The following FADS3 variants were observed in gnomAD, a reference collection of about 807,000 sequenced individuals.
The protein encoded by FADS3 is fatty acid desaturase 3, also known as cytochrome b5-related protein.
A neutral mutation model predicts 60.4 loss-of-function variants in FADS3; 30 were observed. The ratio of observed to expected loss-of-function variants is 0.50; its 90% CI spans 0.37 to 0.67. FADS3 has a LOEUF of 0.67. FADS3 is among the 30% of genes least tolerant of loss of function. The probability of loss-of-function intolerance (pLI) is 0.00; values close to 1 mark genes in which losing one functional copy is unlikely to be tolerated. For missense variants in FADS3, 432 were observed against 598.3 expected (o/e 0.72, Z 2.90); for synonymous variants, 234 against 249.3 (o/e 0.94, Z 0.58).
chr11:61,882,987 C>A (rs1210917828), intron 1 of FADS3, among the ~76,000 whole-genome samples: 1 of 152,206 alleles, frequency 6.6e-6, no homozygotes, highest in Non-Finnish European at 1.5e-5. Flanking sequence ...GCCTTGGCCT[C>A]CCAAAGTGTT....
At chr11:61,874,538 C>T (rs1054928541) in intron 11 of FADS3, among the ~76,000 whole-genome samples, 1 of 152,242 alleles carries the variant, frequency 6.6e-6, no homozygotes, top group Admixed American at 6.5e-5. Context: ...CTCTGCTCTC[C>T]TTTTCCACTT....
chr11:61,891,255 G>A lies in FADS3; in HGVS notation c.127C>T (p.Arg43Cys). The A allele has an allele frequency of 6.5e-7, 1 of 1,543,552 alleles. No homozygotes were observed. Among genetic ancestry groups the A allele is most frequent in the Non-Finnish European group, 8.7e-7 (1 of 1,147,288 alleles). Residue 43 changes from arginine (R) to cysteine (C), a missense_variant, in exon 1 of 12, where the codon CGC (arginine) becomes TGC (cysteine). This residue lies in a region of FADS3 where 167 missense variants were observed against 188.8 expected (regional missense o/e 0.88). Coordinates refer to ENST00000278829, the MANE Select transcript of FADS3 (RefSeq NM_021727.5). ...QPGDKWLVIE[R>C]RVYDISRWAQ... is the part of the protein sequence containing the mutation. ...CAGCGGCTGATGTCGTAGACGCGGC[G>A]CTCGATGACCAGCCACTTGTCGCCG...
At chr11:61,874,618 CTG>C (rs1937800429) in intron 11 of FADS3, among the ~76,000 whole-genome samples, 1 of 152,214 alleles carries the variant, frequency 6.6e-6, no homozygotes, top group Non-Finnish European at 1.5e-5. Context: ...TGTCCCTTCT[CTG>C]AGTGCCTGCA....
chr11:61,879,344 C>T lies in FADS3; in HGVS notation c.490G>A (p.Ala164Thr), dbSNP rs1449255180. Residue 164 changes from alanine (A) to threonine (T), a missense_variant, in exon 3 of 12, where the codon GCC becomes ACC. Physicochemically the swap from Ala to Thr is moderately conservative, Grantham distance 58. Around this residue, in one of 5 missense-constraint regions of FADS3, gnomAD observed 116 missense variants for 208.9 expected, o/e 0.56. Transcript: ENST00000278829. ...YLLGPGWVPS[A>T]LAAFILAISQ... Reference sequence around the variant, plus strand: ...ATGGCCAGGATGAAGGCGGCCAGGGCACTGGGCACCCAGCCAGGACCCAGG... The same window carrying T: ...ATGGCCAGGATGAAGGCGGCCAGGGTACTGGGCACCCAGCCAGGACCCAGG... 6.4e-7 allele frequency: 1 copy of T among 1,557,326 alleles called. No homozygotes were observed. The highest frequency in any genetic ancestry group is 2.0e-5 in the Admixed American group (1 of 51,262).
intron 1 of FADS3, among the ~76,000 whole-genome samples, chr11:61,887,485 CTCTTTAAAATAAA>C: frequency 6.6e-6 from 1 of 152,346 alleles, no homozygotes; most frequent in Non-Finnish European, 1.5e-5. Context: ...GCTCCCCATC[CTCTTTAAAATAAA>C]GCCAAAGTCC....
At chr11:61,878,956 A>G (rs1938021333) in intron 3 of FADS3, 109 bp from the exon 4 acceptor site, 1 of 841,648 alleles carries the variant, frequency 1.2e-6, no homozygotes, top group Non-Finnish European at 1.9e-6. Flanking sequence ...CTAATGCTCC[A>G]TTTCAAGACC....
chr11:61,875,724 G>C, intron 11 of FADS3, 127 bp downstream of exon 11: 2 of 1,140,386 alleles, frequency 1.8e-6, no homozygotes, highest in South Asian at 3.1e-5. Context: ...GGGAAGGGAG[G>C]AAGGGCATGG....
rs1369732534 is a variant in FADS3, at chr11:61,889,076, T to TA, written c.213+2092dup. ...ACGCCTGGCTAATTTTGTATTTTTT[T>TA]AGAAGAGACAGGGTTTCTCCATGTT... On this transcript the variant is annotated intron_variant, in intron 1 of 11. Transcript: ENST00000278829. Among the ~76,000 whole-genome samples, 4 of 150,728 alleles carry TA rather than the reference T, an allele frequency of 2.7e-5. No homozygotes were observed. In the East Asian group the frequency reaches 6.0e-4, roughly 23 times the overall value.
In FADS3 at chr11:61,878,198, G is replaced by C; in HGVS notation, c.765C>G (p.Arg255=). 6.2e-7 allele frequency: 1 copy of C among 1,614,196 alleles called. No individual in the cohort carries two copies. The highest frequency in any genetic ancestry group is 8.5e-7 in the Non-Finnish European group (1 of 1,180,022). ...GCTGCTGGTTGTAGGGTAGGTATCT[G>C]CGTTTCTTCTTGCCATACTGTGGAG... is the stretch of plus-strand genomic sequence containing the variant. ...ESSVEYGKKK[R]RYLPYNQQHL... is the part of the protein sequence containing the mutation. Residue 255 remains arginine, a synonymous_variant, in exon 6 of 12, where the codon CGC becomes CGG. Transcript: ENST00000278829.
chr11:61,891,412 C>A lies in FADS3; in HGVS notation c.-31G>T. 4 of 1,382,214 alleles carry A rather than the reference C, an allele frequency of 2.9e-6. No homozygotes were observed. Among genetic ancestry groups the A allele is most frequent in the Non-Finnish European group, 3.7e-6 (4 of 1,070,326 alleles). The allele number at this position is 1,382,214 out of a possible 1,614,324, so 85.6% of individuals were successfully genotyped here. A position where few individuals can be genotyped will look rare whatever the true frequency, so the allele number is the denominator to read the frequency against. On this transcript the variant is annotated 5_prime_UTR_variant, in exon 1 of 12. Coordinates refer to ENST00000278829, the MANE Select transcript of FADS3 (RefSeq NM_021727.5). ...ACGCACGAGTCCTGGGGATCCCAGG[C>A]GGTGGCCGAGGTCCGAGCAAGACCC...
At chr11:61,884,024 G>A (rs1434231257) in intron 1 of FADS3, among the ~76,000 whole-genome samples, 3 of 152,188 alleles carry the variant, frequency 2.0e-5, no homozygotes, top group Non-Finnish European at 2.9e-5. Context: ...CAGGGAGTGC[G>A]AGTAGGGCAG....
intron 1 of FADS3, chr11:61,881,653 T>C (rs531711720): frequency 2.0e-4 from 31 of 152,224 alleles, no homozygotes; most frequent in African/African-American, 7.2e-4. Context: ...TACCAGCTGG[T>C]GAGTCTTAAA....
At position 61,891,196 on chromosome 11, in the gene FADS3, G is replaced by C; in HGVS notation, c.186C>G (p.Ile62Met). 1 of 1,563,194 alleles carries C rather than the reference G, an allele frequency of 6.4e-7. No homozygotes were observed. The highest frequency in any genetic ancestry group is 8.7e-7 in the Non-Finnish European group (1 of 1,154,158). Reference sequence around the variant, plus strand: ...TGGCGTCCTCAGCGCCGTGGTGGCCGATGAGGCGGCTGCCCCCTGGGTGCC... The same window carrying C: ...TGGCGTCCTCAGCGCCGTGGTGGCCCATGAGGCGGCTGCCCCCTGGGTGCC... ...AQRHPGGSRL[I>M]GHHGAEDATD... The change falls in exon 1 of 12, where the codon ATC becomes ATG. Residue 62 changes from isoleucine (I) to methionine (M), a missense_variant. Ile to Met is a conservative substitution (Grantham distance 10, BLOSUM62 1). Coordinates refer to ENST00000278829, the MANE Select transcript of FADS3 (RefSeq NM_021727.5).
At chr11:61,886,759 G>A (rs1173154785) in intron 1 of FADS3, among the ~76,000 whole-genome samples, 3 of 152,208 alleles carry the variant, frequency 2.0e-5, no homozygotes, top group East Asian at 1.9e-4. Context: ...GTTGTTAGGC[G>A]AATTCAATCA....
In FADS3 at chr11:61,876,505, C is replaced by T. The variant is rs746598441; in HGVS notation, c.984-50G>A. 7 of 1,449,172 alleles carry T rather than the reference C, an allele frequency of 4.8e-6. No individual in the cohort carries two copies. The South Asian group carries it at 8.0e-5, about 16-fold the overall frequency. The allele number at this position is 1,449,172 out of a possible 1,614,324, so 89.8% of individuals were successfully genotyped here. On this transcript the variant is annotated intron_variant, in intron 8 of 11. Coordinates refer to ENST00000278829, the MANE Select transcript of FADS3 (RefSeq NM_021727.5). This position sits in a 1 kb window ranked among gnomAD's most constrained non-coding sequence, Gnocchi z 5.7. ...CTAGGTCCAGCTCACCACTTAGGCA[C>T]CCTGAGTGGAGGCTGGAGAGCAGCT...
intron 1 of FADS3, among the ~76,000 whole-genome samples, chr11:61,890,692 A>G (rs1275738592): frequency 1.3e-5 from 2 of 152,146 alleles, no homozygotes; most frequent in African/African-American, 4.8e-5. Flanking sequence ...GAGGTGAGTC[A>G]CTGTCCCTGA....
At chr11:61,888,749 T>TGCC (rs978385790) in intron 1 of FADS3, among the ~76,000 whole-genome samples, 2 of 150,512 alleles carry the variant, frequency 1.3e-5, no homozygotes, top group Non-Finnish European at 3.0e-5. Flanking sequence ...GACACAGTCC[T>TGCC]GCCCTCAGCC....
At chr11:61,884,366 C>T (rs1415782920) in intron 1 of FADS3, among the ~76,000 whole-genome samples, 1 of 152,142 alleles carries the variant, frequency 6.6e-6, no homozygotes, top group African/African-American at 2.4e-5. Flanking sequence ...GTATATGGAG[C>T]TTAAAACCTA....
intron 2 of FADS3, 94 bp downstream of exon 2, chr11:61,879,947 G>A (rs1353136453): frequency 1.6e-5 from 16 of 1,021,980 alleles, no homozygotes; most frequent in East Asian, 5.0e-5. Context: ...GGCGAATGCC[G>A]AGGGAGCTGC....
Sources: gnomAD v4.1 joint callset for allele counts (sites outside exome capture counted in the v4.1 genomes callset) on GRCh38, gnomAD v4.1.1 for gene constraint, gnomAD v4.1.1 regional missense constraint, Gnocchi (gnomAD v3.1) non-coding constraint, MANE v1.5 for transcripts, NCBI Gene and HGNC (gene_info 2026-07-23, HGNC 2026-07-21) for gene names.